The following NRG1 variants were observed in gnomAD, a reference collection of about 807,000 sequenced individuals.
The protein encoded by NRG1 is neuregulin 1.
NRG1 carries 18 observed loss-of-function variants against 63.8 expected under a neutral mutation model. The ratio of observed to expected loss-of-function variants is 0.28; its 90% CI spans 0.19 to 0.42. The LOEUF (loss-of-function observed/expected upper bound fraction) is 0.42. Among genes scored for constraint, NRG1 ranks in the 10% least tolerant of loss-of-function variants. NRG1 has a pLI of 1.00. For missense variants in NRG1, 762 were observed against 814.7 expected, an observed-to-expected ratio of 0.94 and a Z score of 0.79; for synonymous variants, 302 against 301.3, an observed-to-expected ratio of 1.00 and a Z score of -0.02.
intron 1 of NRG1, among the ~76,000 whole-genome samples, chr8:32,580,844 A>G (rs919518882): frequency 2.0e-5 from 3 of 152,032 alleles, no homozygotes; most frequent in Non-Finnish European, 2.9e-5. Flanking sequence ...TTTCTAAATG[A>G]CATAGTACCC....
chr8:32,638,917 G>A (rs2129545369), intron 5 of NRG1, among the ~76,000 whole-genome samples: 1 of 152,216 alleles, frequency 6.6e-6, no homozygotes, highest in South Asian at 2.1e-4. Context: ...AGTGTTGCCT[G>A]ACAGGTGGCT....
chr8:32,654,965 A>G (rs533330048), intron 5 of NRG1, among the ~76,000 whole-genome samples: 1 of 152,124 alleles, frequency 6.6e-6, no homozygotes, highest in Non-Finnish European at 1.5e-5. Flanking sequence ...GTCCCTCTTC[A>G]TGGCCTTGAG....
At chr8:31,813,516 C>CTTTT (rs377718067) in intron 1 of NRG1, among the ~76,000 whole-genome samples, 36 of 101,208 alleles carry the variant, frequency 3.6e-4, no homozygotes, top group Non-Finnish European at 3.9e-4. Context: ...CTTTTCTTTT[C>CTTTT]TTTTTTTTTT....
intron 5 of NRG1, among the ~76,000 whole-genome samples, chr8:32,681,779 AT>A (rs1430978454): frequency 6.6e-6 from 1 of 152,184 alleles, no homozygotes; most frequent in Non-Finnish European, 1.5e-5. Context: ...ATGTATAATG[AT>A]TTTAGTGTAT....
intron 5 of NRG1, among the ~76,000 whole-genome samples, chr8:32,638,165 T>C (rs1329249070): frequency 1.3e-5 from 2 of 152,226 alleles, no homozygotes; most frequent in Non-Finnish European, 2.9e-5. Flanking sequence ...GCAGGTTTTT[T>C]GTTTGTTTGT....
chr8:32,314,936 A>G (rs1857216134), intron 1 of NRG1, among the ~76,000 whole-genome samples: 1 of 152,154 alleles, frequency 6.6e-6, no homozygotes, highest in Non-Finnish European at 1.5e-5. Flanking sequence ...GATTCTCACC[A>G]CCACCAGGCT....
chr8:31,836,240 G>A (rs752101512), intron 1 of NRG1, among the ~76,000 whole-genome samples: 2 of 152,068 alleles, frequency 1.3e-5, no homozygotes, highest in African/African-American at 2.4e-5. Context: ...GAAGATTATC[G>A]TGGTAAGACT....
chr8:32,614,302 AT>A, intron 3 of NRG1: 1 of 439,678 alleles, frequency 2.3e-6, no homozygotes, highest in Admixed American at 3.6e-5. Context: ...AGCACAGCTG[AT>A]TTTATGCTCT....
At chr8:32,625,790 T>C (rs1392118231) in intron 5 of NRG1, among the ~76,000 whole-genome samples, 3 of 148,374 alleles carry the variant, frequency 2.0e-5, no homozygotes, top group Non-Finnish European at 4.5e-5. Context: ...TTTTTTTTCT[T>C]TTTTCTTTTT....
intron 1 of NRG1, among the ~76,000 whole-genome samples, chr8:32,401,907 T>TTTTG (rs112688278): frequency 2.6e-5 from 4 of 152,252 alleles, no homozygotes; most frequent in African/African-American, 4.8e-5. Flanking sequence ...TGTTTGGTTT[T>TTTTG]TTTGTTTGTT....
chr8:32,248,656 T>C (rs997075759), intron 1 of NRG1, among the ~76,000 whole-genome samples: 3 of 152,026 alleles, frequency 2.0e-5, no homozygotes, highest in Non-Finnish European at 4.4e-5. Context: ...ATTAGTACCA[T>C]TGAAAGTTTG....
intron 1 of NRG1, among the ~76,000 whole-genome samples, chr8:32,350,862 AC>A (rs1341583405): frequency 1.3e-5 from 2 of 152,186 alleles, no homozygotes; most frequent in Admixed American, 6.6e-5. Flanking sequence ...GGCAGTAATC[AC>A]CACGTCTGTC....
At chr8:32,027,401 TTTCC>T (rs1199754628) in intron 1 of NRG1, among the ~76,000 whole-genome samples, 1 of 148,874 alleles carries the variant, frequency 6.7e-6, no homozygotes, top group East Asian at 1.9e-4. Flanking sequence ...TTTTTATAAA[TTTCC>T]TTCCTTCCCT....
At chr8:31,927,351 T>C (rs978729928) in intron 1 of NRG1, among the ~76,000 whole-genome samples, 6 of 152,086 alleles carry the variant, frequency 3.9e-5, no homozygotes, top group Non-Finnish European at 8.8e-5. Context: ...GAATCAGTAG[T>C]TCTTGGATGG....
intron 1 of NRG1, among the ~76,000 whole-genome samples, chr8:32,282,986 C>T (rs1386529318): frequency 6.6e-6 from 1 of 152,056 alleles, no homozygotes; most frequent in Non-Finnish European, 1.5e-5. Context: ...AATAATGTAT[C>T]AAAGACATAT....
chr8:32,552,048 C>T (rs148323253), intron 1 of NRG1, among the ~76,000 whole-genome samples: 546 of 151,538 alleles, frequency 3.6e-3, no homozygotes, highest in South Asian at 6.9e-3. Context: ...GTAGCTGGGA[C>T]TACAGGTGTG....
At chr8:32,125,537 G>A (rs1327606733) in intron 1 of NRG1, among the ~76,000 whole-genome samples, 1 of 151,876 alleles carries the variant, frequency 6.6e-6, no homozygotes, top group African/African-American at 2.4e-5. Context: ...TCAAAAATCT[G>A]CAACAATCTA....
intron 5 of NRG1, among the ~76,000 whole-genome samples, chr8:32,645,694 T>C (rs1429695224): frequency 6.6e-6 from 1 of 152,032 alleles, no homozygotes; most frequent in Non-Finnish European, 1.5e-5. Context: ...TTAGAGAGAG[T>C]TTTACAGACT....
At chr8:31,923,462 G>A (rs1834079798) in intron 1 of NRG1, among the ~76,000 whole-genome samples, 1 of 152,028 alleles carries the variant, frequency 6.6e-6, no homozygotes, top group African/African-American at 2.4e-5. Flanking sequence ...GGTTATAATG[G>A]CCACATAAAA....
Sources: gnomAD v4.1 joint callset for allele counts (sites outside exome capture counted in the v4.1 genomes callset) on GRCh38, gnomAD v4.1.1 for gene constraint, MANE v1.5 for transcripts, NCBI Gene and HGNC (gene_info 2026-07-23, HGNC 2026-07-21) for gene names.